CADPS: variants seen among roughly 807,000 people sequenced by gnomAD.
CADPS encodes calcium dependent secretion activator.
In CADPS, 57 loss-of-function variants were observed where a neutral mutation model predicts 167.3. The ratio of observed to expected loss-of-function variants is 0.34; its 90% CI spans 0.28 to 0.42. CADPS has a LOEUF of 0.42. CADPS is among the 20% of genes least tolerant of loss of function. CADPS has a pLI of 1.00. For synonymous variants in CADPS, 676 were observed against 635.3 expected, an observed-to-expected ratio of 1.06 and a Z score of -0.96; for missense variants, 1,414 against 1,738.1, an observed-to-expected ratio of 0.81 and a Z score of 3.32.
At position 62,682,227 on chromosome 3, in the gene CADPS, C is replaced by T. The variant is rs546790093; in HGVS notation, c.889-19833G>A. On this transcript the variant is annotated intron_variant, in intron 3 of 29. Coordinates refer to ENST00000383710, the MANE Select transcript of CADPS (RefSeq NM_003716.4). ...TTCTGGAATCAAAGAAAGAACTCCA[C>T]TTTTTTTGGAAATTAAGGATAAGTG... Among the ~76,000 whole-genome samples the T allele has an allele frequency of 5.4e-4, 82 of 152,096 alleles. 1 individual carries two copies. The South Asian group carries it at 0.016, about 30-fold the overall frequency.
At chr3:62,607,359 G>A (rs1416338755) in intron 6 of CADPS, among the ~76,000 whole-genome samples, 2 of 152,192 alleles carry the variant, frequency 1.3e-5, no homozygotes, top group Non-Finnish European at 2.9e-5. Context: ...GAATAAGCAA[G>A]TGTGTTAACA....
intron 2 of CADPS, among the ~76,000 whole-genome samples, chr3:62,760,082 C>A (rs2085020252): frequency 6.6e-6 from 1 of 152,118 alleles, no homozygotes; most frequent in Non-Finnish European, 1.5e-5. Context: ...CCTGCTCCAT[C>A]TTGCACCTCC....
At chr3:62,811,420 C>T (rs1222083786) in intron 1 of CADPS, among the ~76,000 whole-genome samples, 1 of 152,096 alleles carries the variant, frequency 6.6e-6, no homozygotes, top group East Asian at 1.9e-4. Context: ...CACCAGAAGC[C>T]TCAAGAAAAT....
intron 3 of CADPS, among the ~76,000 whole-genome samples, chr3:62,705,448 T>C (rs929558455): frequency 6.6e-6 from 1 of 152,098 alleles, no homozygotes; most frequent in African/African-American, 2.4e-5. Flanking sequence ...GACTGAAGGA[T>C]GCAAAGTATT....
chr3:62,719,486 A>C (rs561426867), intron 3 of CADPS, among the ~76,000 whole-genome samples: 1 of 152,344 alleles, frequency 6.6e-6, no homozygotes, highest in Non-Finnish European at 1.5e-5. Flanking sequence ...GTACAACTAT[A>C]AACTCCCTGG....
chr3:62,631,734 T>A (rs564843912), intron 6 of CADPS, among the ~76,000 whole-genome samples: 7 of 152,330 alleles, frequency 4.6e-5, no homozygotes, highest in African/African-American at 1.4e-4. Context: ...AATGATTTGC[T>A]TGCTGTTTGT....
In CADPS at chr3:62,569,549, G is replaced by A. The variant is rs547855929; in HGVS notation, c.1644+1323C>T. Among the ~76,000 whole-genome samples, 26 of 152,298 alleles carry A rather than the reference G, an allele frequency of 1.7e-4. No individual in the cohort carries two copies. The South Asian group carries it at 2.3e-3, about 13-fold the overall frequency. ...CCAGAGAGCTGTATTTTGCCTTAGC[G>A]GCACAGCAGAGACTTAAGTAGATCT... On this transcript the variant is annotated intron_variant, in intron 9 of 29. Coordinates refer to ENST00000383710, the MANE Select transcript of CADPS (RefSeq NM_003716.4).
intron 1 of CADPS, among the ~76,000 whole-genome samples, chr3:62,787,476 T>C (rs979077099): frequency 3.1e-4 from 47 of 152,330 alleles, no homozygotes; most frequent in African/African-American, 1.1e-3. Context: ...TATCATACCA[T>C]TGATAAATAC....
rs967570225 is a variant in CADPS, at chr3:62,601,422, C to G, written c.1326-8674G>C. Among the ~76,000 whole-genome samples the G allele has an allele frequency of 6.6e-5, 10 of 152,182 alleles. No homozygotes were observed. The highest frequency in any genetic ancestry group is 2.4e-4 in the African/African-American group (10 of 41,436). ...AAAGTTTGCCGATCTCTGTTACAAACAGTTAAATTGCTGACTTGGCCTAAT... is the reference window on the plus strand; with the variant it reads ...AAAGTTTGCCGATCTCTGTTACAAAGAGTTAAATTGCTGACTTGGCCTAAT... On this transcript the variant is annotated intron_variant, in intron 6 of 29. Transcript: ENST00000383710. The surrounding 1 kb of genome is among the most constrained non-coding windows in gnomAD (Gnocchi z 4.3).
At chr3:62,527,346 A>G (rs911931368) in intron 13 of CADPS, among the ~76,000 whole-genome samples, 2 of 152,124 alleles carry the variant, frequency 1.3e-5, no homozygotes, top group Admixed American at 6.5e-5. Context: ...AGGATGTTTA[A>G]TAATATCCCT....
chr3:62,435,707 G>A lies in CADPS; in HGVS notation c.3777+2397C>T, dbSNP rs760002078. Among the ~76,000 whole-genome samples the A allele has an allele frequency of 5.0e-4, 76 of 151,994 alleles. 1 individual carries two copies. Among genetic ancestry groups the A allele is most frequent in the Non-Finnish European group, 7.6e-4 (52 of 68,002 alleles). On this transcript the variant is annotated intron_variant, in intron 28 of 29. Transcript: ENST00000383710. ...CGGGGCCGGGAGTGATGTGCAGTGA[G>A]TGATTGTAATAGTTAAGCCTTTACC...
intron 9 of CADPS, among the ~76,000 whole-genome samples, chr3:62,564,179 T>G (rs930625176): frequency 2.0e-4 from 31 of 152,068 alleles, no homozygotes; most frequent in African/African-American, 6.8e-4. Flanking sequence ...TTTTTTGTAT[T>G]TTTAGAAGAG....
At chr3:62,794,989 T>C (rs1400713437) in intron 1 of CADPS, among the ~76,000 whole-genome samples, 1 of 152,074 alleles carries the variant, frequency 6.6e-6, no homozygotes. Flanking sequence ...CAGGGGGCCT[T>C]TCTCTGCAGG....
intron 29 of CADPS, among the ~76,000 whole-genome samples, chr3:62,402,428 G>T (rs1294103744): frequency 2.0e-5 from 3 of 152,094 alleles, no homozygotes; most frequent in African/African-American, 7.2e-5. Context: ...GATCAAAAAT[G>T]TATTTACCCC....
chr3:62,777,725 A>T (rs1576278948), intron 1 of CADPS, among the ~76,000 whole-genome samples: 1 of 152,176 alleles, frequency 6.6e-6, no homozygotes, highest in Non-Finnish European at 1.5e-5. Context: ...AATAAAGTGT[A>T]TTAGTTAAAG....
chr3:62,564,175 G>A (rs1275993492), intron 9 of CADPS, among the ~76,000 whole-genome samples: 1 of 151,980 alleles, frequency 6.6e-6, no homozygotes, highest in Non-Finnish European at 1.5e-5. Flanking sequence ...CTAATTTTTT[G>A]TATTTTTAGA....
intron 3 of CADPS, among the ~76,000 whole-genome samples, chr3:62,719,338 C>T (rs2075298451): frequency 6.6e-6 from 1 of 152,228 alleles, no homozygotes; most frequent in Admixed American, 6.5e-5. Context: ...GCCCTCCCTA[C>T]TTCACTTAGT....
At chr3:62,622,790 T>C (rs936926557) in intron 6 of CADPS, among the ~76,000 whole-genome samples, 1 of 152,108 alleles carries the variant, frequency 6.6e-6, no homozygotes, top group Admixed American at 6.6e-5. Flanking sequence ...AGGCTGTAAA[T>C]GTTCCCTAAA....
intron 21 of CADPS, among the ~76,000 whole-genome samples, chr3:62,483,039 G>A (rs1470155119): frequency 6.6e-6 from 1 of 151,948 alleles, no homozygotes; most frequent in Non-Finnish European, 1.5e-5. Flanking sequence ...AGCTGGCACC[G>A]TGTGTCTCAG....
Sources: allele counts gnomAD v4.1 joint callset (sites outside exome capture counted in the v4.1 genomes callset), GRCh38; gene constraint gnomAD v4.1.1; non-coding constraint Gnocchi (gnomAD v3.1); transcripts MANE v1.5; gene names NCBI Gene and HGNC (gene_info 2026-07-23, HGNC 2026-07-21).